RYR1: variants seen among roughly 807,000 people sequenced by gnomAD.
The protein encoded by RYR1 is central core disease of muscle.
Under a neutral mutation model 583.5 loss-of-function variants are expected in RYR1, and 342 were observed. The observed-to-expected ratio is 0.59, with a 90% confidence interval of 0.54 to 0.64. RYR1 has a LOEUF of 0.64. Among genes scored for constraint, RYR1 ranks in the 30% least tolerant of loss-of-function variants. The pLI is 0.00. For synonymous variants in RYR1, 2,791 were observed against 2,822.5 expected, an observed-to-expected ratio of 0.99 and a Z score of 0.35; for missense variants, 6,032 against 6,917.2, an observed-to-expected ratio of 0.87 and a Z score of 4.54.
chr19:38,537,764 C>T, intron 83 of RYR1, 116 bp from the exon 84 acceptor site: 1 of 997,438 alleles, frequency 1.0e-6, no homozygotes, highest in Non-Finnish European at 1.6e-6. Context: ...GCTGCTCCTC[C>T]CAGCACCCCC....
rs779865630 is a variant in RYR1, at chr19:38,573,198, C to T, written c.14020C>T (p.Arg4674Trp). 27 of 1,613,800 alleles carry T rather than the reference C, an allele frequency of 1.7e-5. No individual in the cohort carries two copies. The highest frequency in any genetic ancestry group is 8.0e-5 in the African/African-American group (6 of 75,012). ...CCAGGTGCCCCTGGTAATCTTTAAG[C>T]GGGAGAAGGAGCTGGCCCGGAAGCT... ...CLKVPLVIFK[R>W]EKELARKLEF... Residue 4674 changes from arginine (R) to tryptophan (W), a missense_variant, in exon 96 of 106, where the codon CGG becomes TGG. Arg to Trp is a moderately radical substitution (Grantham distance 101, BLOSUM62 -3). Coordinates refer to ENST00000359596, the MANE Select transcript of RYR1 (RefSeq NM_000540.3).
In RYR1 at chr19:38,448,804, CAAG is replaced by C. The variant is rs745569223; in HGVS notation, c.1120_1122del (p.Lys374del). On this transcript the variant is annotated inframe_deletion, in exon 11 of 106. Transcript: ENST00000359596. ...CCAAGGCCCTGCGGCTCGGCGTGCT[CAAG>C]AAGAAGGTGGGTGTAATCCCAGCTA... is the stretch of plus-strand genomic sequence containing the variant. 16 of 1,613,614 alleles carry C rather than the reference CAAG, an allele frequency of 9.9e-6. No homozygotes were observed. Among genetic ancestry groups the C allele is most frequent in the Admixed American group, 6.7e-5 (4 of 59,980 alleles).
intron 47 of RYR1, among the ~76,000 whole-genome samples, chr19:38,501,540 A>C (rs1314349523): frequency 6.6e-6 from 1 of 152,240 alleles, no homozygotes; most frequent in Non-Finnish European, 1.5e-5. Context: ...TACTGTGGGC[A>C]CACAGAACTC....
Position 38,502,936 on chromosome 19 carries a change from C to A in RYR1, c.7892C>A (p.Pro2631His), listed in dbSNP as rs763892923. The A allele has an allele frequency of 2.5e-6, 4 of 1,611,290 alleles. No homozygotes were observed. The Middle Eastern group carries it at 4.9e-4, about 199-fold the overall frequency. ...HLLRRLVFDVPILNEFAKMPL... is the reference protein window; with the variant it reads ...HLLRRLVFDVHILNEFAKMPL... ...TTGCGCCGCCTGGTGTTCGACGTGC[C>A]CATCCTCAACGAGTTCGCCAAGATG... Residue 2631 changes from proline (P) to histidine (H), a missense_variant, in exon 49 of 106, where the codon CCC (proline) becomes CAC (histidine). Coordinates refer to ENST00000359596, the MANE Select transcript of RYR1 (RefSeq NM_000540.3).
intron 1 of RYR1, among the ~76,000 whole-genome samples, chr19:38,438,898 G>A (rs540462611): frequency 3.9e-5 from 6 of 152,124 alleles, no homozygotes; most frequent in Admixed American, 6.5e-5. Context: ...GATTACAGGC[G>A]TGAGCCGCCG....
chr19:38,466,124 G>A lies in RYR1; in HGVS notation c.2904G>A (p.Pro968=), dbSNP rs146651758. ...TGAGCAATGGGTACAAGCCGGCTCCGCTGGACCTGAGCCACGTGCGGCTGA... is the reference window on the plus strand; with the variant it reads ...TGAGCAATGGGTACAAGCCGGCTCCACTGGACCTGAGCCACGTGCGGCTGA... ...YMMSNGYKPA[P]LDLSHVRLTP... is the part of the protein sequence containing the mutation. Residue 968 remains proline, a synonymous_variant, in exon 24 of 106, where the codon CCG becomes CCA. Coordinates refer to ENST00000359596, the MANE Select transcript of RYR1 (RefSeq NM_000540.3). 3.1e-5 allele frequency: 50 copies of A among 1,612,718 alleles called. No individual in the cohort carries two copies. The African/African-American group carries it at 4.5e-4, about 15-fold the overall frequency.
rs1599639622 is a variant in RYR1 at position 38,567,011 on chromosome 19, G to T, written c.13514+24G>T. 3.2e-6 allele frequency: 5 copies of T among 1,567,128 alleles called. No homozygotes were observed. The African/African-American group carries it at 4.1e-5, about 13-fold the overall frequency. On this transcript the variant is annotated intron_variant, in intron 92 of 105. Coordinates refer to ENST00000359596, the MANE Select transcript of RYR1 (RefSeq NM_000540.3). ...GAGTGAGTGGCCTTGGGGCTGAGGG[G>T]CCTAGCCCCTATCACTGCCTCCCTC...
intron 90 of RYR1, among the ~76,000 whole-genome samples, chr19:38,563,295 C>T (rs570612919): frequency 7.9e-4 from 121 of 152,298 alleles, no homozygotes; most frequent in African/African-American, 2.7e-3. Context: ...GACAGAGTTT[C>T]GCTCTTGTTG....
chr19:38,460,662 C>A, intron 20 of RYR1, 71 bp downstream of exon 20: 1 of 1,389,506 alleles, frequency 7.2e-7, no homozygotes, highest in Non-Finnish European at 1.0e-6. Flanking sequence ...GGCAGGGTGC[C>A]ATCGTTCATG....
chr19:38,468,974 C>T lies in RYR1; in HGVS notation c.3390C>T (p.Arg1130=). 2 of 1,614,144 alleles carry T rather than the reference C, an allele frequency of 1.2e-6. No homozygotes were observed. Among genetic ancestry groups the T allele is most frequent in the Non-Finnish European group, 1.7e-6 (2 of 1,180,032 alleles). Residue 1130 remains arginine, a synonymous_variant, in exon 26 of 106, where the codon CGC becomes CGT. Transcript: ENST00000359596. ...TCTGGCTGTCCTCACAGGGCCAGCG[C>T]TGGCACTTGGGCAGTGAACCATTTG... is the stretch of plus-strand genomic sequence containing the variant. ...AYVFNGHRGQ[R]WHLGSEPFGR... is the part of the protein sequence containing the mutation.
Position 38,525,515 on chromosome 19 carries a change from C to T in RYR1, c.10626+13C>T. 2 of 1,612,964 alleles carry T rather than the reference C, an allele frequency of 1.2e-6. No homozygotes were observed. The highest frequency in any genetic ancestry group is 1.7e-6 in the Non-Finnish European group (2 of 1,179,596). On this transcript the variant is annotated intron_variant, in intron 71 of 105. Transcript: ENST00000359596. Reference sequence around the variant, plus strand: ...CCGTTACGCCCTGGTGCCTGCCCAGCCCCGTCCTCGGAACCTTCCAGGATG... The same window carrying T: ...CCGTTACGCCCTGGTGCCTGCCCAGTCCCGTCCTCGGAACCTTCCAGGATG...
chr19:38,528,971 GGAGGAGGAA>G lies in RYR1; in HGVS notation c.11060_11068del (p.Glu3687_Glu3689del), dbSNP rs1568542770. On this transcript the variant is annotated inframe_deletion, in exon 76 of 106. Coordinates refer to ENST00000359596, the MANE Select transcript of RYR1 (RefSeq NM_000540.3). ...ACCAGAAAGCTGGGGAGCAGGAGGA[GGAGGAGGAA>G]GAGGTGGAAGAGAAGAAGCCAGACC... The G allele has an allele frequency of 6.2e-7, 1 of 1,611,310 alleles. No homozygotes were observed. The highest frequency in any genetic ancestry group is 8.5e-7 in the Non-Finnish European group (1 of 1,178,724).
In RYR1 at chr19:38,458,390, C is replaced by T. The variant is rs987967070; in HGVS notation, c.2167+98C>T. ...CCTTGGGGTTCTCAGGATCCTGACT[C>T]CCTGAAAAGGTCAACTTTTGACCTT... On this transcript the variant is annotated intron_variant, in intron 18 of 105. Transcript: ENST00000359596. 51 of 1,283,018 alleles carry T rather than the reference C, an allele frequency of 4.0e-5. No individual in the cohort carries two copies. The African/African-American group carries it at 5.6e-4, about 14-fold the overall frequency. The allele number at this position is 1,283,018 out of a possible 1,614,324, so 79.5% of individuals were successfully genotyped here. A position where few individuals can be genotyped will look rare whatever the true frequency, so the allele number is the denominator to read the frequency against.
rs752430492 is a variant in RYR1 at position 38,502,661 on chromosome 19, C to T, written c.7769C>T (p.Ser2590Phe). The T allele has an allele frequency of 6.8e-6, 11 of 1,611,772 alleles. No homozygotes were observed. Among genetic ancestry groups the T allele is most frequent in the East Asian group, 4.5e-5 (2 of 44,856 alleles). ...ATGCTGCATACCGTGTACCGCCTGT[C>T]TCGGGGTCGTTCGCTCACCAAGGCG... ...DSMLHTVYRL[S>F]RGRSLTKAQR... Residue 2590 changes from serine (S) to phenylalanine (F), a missense_variant, in exon 48 of 106, where the codon TCT (serine) becomes TTT (phenylalanine). Physicochemically the swap from Ser to Phe is radical, Grantham distance 155 (BLOSUM62 -2). Coordinates refer to ENST00000359596, the MANE Select transcript of RYR1 (RefSeq NM_000540.3).
chr19:38,496,570 C>A lies in RYR1; in HGVS notation c.6796+29C>A. 2 of 1,612,664 alleles carry A rather than the reference C, an allele frequency of 1.2e-6. No individual in the cohort carries two copies. The highest frequency in any genetic ancestry group is 2.2e-5 in the South Asian group (2 of 91,074). ...AGAACCCCCGAGCCCAGGGGCTGTCCCCCAGAACCCACTCCTGGCACCCCG... is the reference window on the plus strand; with the variant it reads ...AGAACCCCCGAGCCCAGGGGCTGTCACCCAGAACCCACTCCTGGCACCCCG... On this transcript the variant is annotated intron_variant, in intron 41 of 105. Coordinates refer to ENST00000359596, the MANE Select transcript of RYR1 (RefSeq NM_000540.3). This position sits in a 1 kb window ranked among gnomAD's most constrained non-coding sequence, Gnocchi z 4.8.
intron 76 of RYR1, among the ~76,000 whole-genome samples, chr19:38,530,987 CTTTTTTT>C (rs59244176): frequency 2.8e-4 from 36 of 129,372 alleles, no homozygotes; most frequent in East Asian, 8.6e-4. Flanking sequence ...TTTTCTTTCT[CTTTTTTT>C]TTTTTTTTTT....
Position 38,565,140 on chromosome 19 carries a change from A to G in RYR1, c.12806A>G (p.Glu4269Gly), listed in dbSNP as rs762185454. 14 of 1,522,894 alleles carry G rather than the reference A, an allele frequency of 9.2e-6. No homozygotes were observed. The East Asian group carries it at 1.2e-4, about 14-fold the overall frequency. 94.3% of individuals were successfully genotyped at this position (1,522,894 alleles called of 1,614,324 possible). ...TDEDEGAGAA[E>G]AGAEGAEEGA... ...GAGGACGAGGGCGCGGGCGCGGCGG[A>G]GGCGGGCGCGGAAGGCGCGGAGGAG... is the stretch of plus-strand genomic sequence containing the variant. The change falls in exon 91 of 106, where the codon GAG becomes GGG. Residue 4269 changes from glutamate to glycine, a missense_variant. Coordinates refer to ENST00000359596, the MANE Select transcript of RYR1 (RefSeq NM_000540.3). The surrounding 1 kb of genome is among the most constrained non-coding windows in gnomAD (Gnocchi z 4.7).
In RYR1 at chr19:38,567,776, C is replaced by G. The variant is rs749640716; in HGVS notation, c.13518C>G (p.Ala4506=). 85 of 1,614,034 alleles carry G rather than the reference C, an allele frequency of 5.3e-5. 4 individuals are homozygous for G. In the South Asian group the frequency reaches 8.8e-4, roughly 17 times the overall value. ...EPELEPEKAD[A]ENGEKEEVPE... is the part of the protein sequence containing the mutation. The stretch of plus-strand genomic sequence containing the variant: ...CTCTCTCTGTCCTGCCCTGCAGTGC[C>G]GAGAATGGGGAGAAGGAAGAAGTTC... The change falls in exon 93 of 106, where the codon GCC becomes GCG. Residue 4506 remains alanine (A), a synonymous_variant. Coordinates refer to ENST00000359596, the MANE Select transcript of RYR1 (RefSeq NM_000540.3).
At chr19:38,505,476 A>G (rs1970402877) in intron 53 of RYR1, 78 bp downstream of exon 53, 7 of 1,041,102 alleles carry the variant, frequency 6.7e-6, no homozygotes, top group Non-Finnish European at 1.0e-5. Context: ...GAGTGAGGCA[A>G]TTTCACATGT....
Sources: allele counts gnomAD v4.1 joint callset (sites outside exome capture counted in the v4.1 genomes callset), GRCh38; gene constraint gnomAD v4.1.1; non-coding constraint Gnocchi (gnomAD v3.1); transcripts MANE v1.5; gene names NCBI Gene and HGNC (gene_info 2026-07-23, HGNC 2026-07-21).